Variants in SDHAF3 observed in about 807,000 individuals in gnomAD.
The protein encoded by SDHAF3 is succinate dehydrogenase complex assembly factor 3, also known as succinate dehydrogenase assembly factor 3, mitochondrial.
A neutral mutation model predicts 11.5 loss-of-function variants in SDHAF3; 18 were observed. That is an observed-to-expected ratio of 1.56 (90% CI 1.08 to 2.32). SDHAF3 has a LOEUF of 2.32. SDHAF3 is among the 30% of genes most tolerant of loss of function. The pLI, the probability that SDHAF3 is intolerant of heterozygous loss-of-function variation, is 0.00. For synonymous variants in SDHAF3, 72 were observed against 59.3 expected (o/e 1.21, Z -0.99); for missense variants, 200 against 154.4 (o/e 1.30, Z -1.57).
At chr7:97,151,745 T>C (rs62499473) in intron 1 of SDHAF3, among the ~76,000 whole-genome samples, 53,680 of 151,884 alleles carry the variant, frequency 0.35, 9,554 homozygotes, top group East Asian at 0.47. Flanking sequence ...GTGATCTGCC[T>C]GCCTCGGCCT....
chr7:97,166,027 C>T (rs1410156851), intron 1 of SDHAF3, among the ~76,000 whole-genome samples: 2 of 152,090 alleles, frequency 1.3e-5, no homozygotes, highest in Non-Finnish European at 2.9e-5. Flanking sequence ...CAGGTGTCCT[C>T]AACAATATGA....
At chr7:97,143,025 G>A (rs780510610) in intron 1 of SDHAF3, among the ~76,000 whole-genome samples, 2 of 149,082 alleles carry the variant, frequency 1.3e-5, no homozygotes, top group African/African-American at 2.5e-5. Context: ...TCAACCTCCC[G>A]AGTAGCTGGG....
At chr7:97,155,446 C>T (rs1789287463) in intron 1 of SDHAF3, among the ~76,000 whole-genome samples, 1 of 152,172 alleles carries the variant, frequency 6.6e-6, no homozygotes, top group Non-Finnish European at 1.5e-5. Flanking sequence ...TCCTTTTAGA[C>T]TTAGCTTAGA....
chr7:97,176,692 C>G (rs1186130468), intron 1 of SDHAF3, among the ~76,000 whole-genome samples: 1 of 152,078 alleles, frequency 6.6e-6, no homozygotes, highest in East Asian at 1.9e-4. Context: ...GTCTTTCTAC[C>G]CAAGATGTTC....
At chr7:97,119,034 A>G (rs539097832) in intron 1 of SDHAF3, among the ~76,000 whole-genome samples, 1 of 152,348 alleles carries the variant, frequency 6.6e-6, no homozygotes, top group African/African-American at 2.4e-5. Context: ...AACTGGATTC[A>G]GATTCAGTCT....
intron 1 of SDHAF3, among the ~76,000 whole-genome samples, chr7:97,134,842 C>G (rs918699969): frequency 2.6e-5 from 4 of 152,168 alleles, no homozygotes; most frequent in African/African-American, 9.7e-5. Flanking sequence ...AATGCACATA[C>G]TTAAGATTTT....
chr7:97,120,171 C>T lies in SDHAF3; in HGVS notation c.174+2274C>T, dbSNP rs575451933. 2.5e-4 allele frequency among the ~76,000 whole-genome samples: 38 copies of T among 152,214 alleles called. 2 individuals carry two copies. The South Asian group carries it at 5.2e-3, about 21-fold the overall frequency. On this transcript the variant is annotated intron_variant, in intron 1 of 1. Coordinates refer to ENST00000432641, the MANE Select transcript of SDHAF3 (RefSeq NM_020186.3). Reference sequence around the variant, plus strand: ...CATTCCTTCTGAATTTATTAGTTGACACGCGTCTGTAGAGAACAGTTTTCC... The same window carrying T: ...CATTCCTTCTGAATTTATTAGTTGATACGCGTCTGTAGAGAACAGTTTTCC...
chr7:97,170,627 A>G (rs933500293), intron 1 of SDHAF3, among the ~76,000 whole-genome samples: 1 of 152,092 alleles, frequency 6.6e-6, no homozygotes, highest in South Asian at 2.1e-4. Flanking sequence ...TTTCCTTACT[A>G]CTTCCTTAGC....
intron 1 of SDHAF3, among the ~76,000 whole-genome samples, chr7:97,125,559 CT>C (rs1464290644): frequency 1.3e-5 from 2 of 152,136 alleles, no homozygotes; most frequent in African/African-American, 4.8e-5. Flanking sequence ...CTAATATTGT[CT>C]CCATGCCTTA....
chr7:97,129,965 G>T (rs946894317), intron 1 of SDHAF3, among the ~76,000 whole-genome samples: 1 of 152,194 alleles, frequency 6.6e-6, no homozygotes, highest in Non-Finnish European at 1.5e-5. Flanking sequence ...CGAGGCTGTG[G>T]CTGGACCAGG....
rs184974390 is a variant in SDHAF3, at chr7:97,144,007, T to A, written c.174+26110T>A. On this transcript the variant is annotated intron_variant, in intron 1 of 1. Coordinates refer to ENST00000432641, the MANE Select transcript of SDHAF3 (RefSeq NM_020186.3). ...TCCACGCCAACATCTATTATTTTTT[T>A]ATTTTTTTTATTATGGCCATTCCTG... Among the ~76,000 whole-genome samples, 213 of 152,296 alleles carry A rather than the reference T, an allele frequency of 1.4e-3. 1 individual carries two copies. The highest frequency in any genetic ancestry group is 4.1e-3 in the South Asian group (20 of 4,822).
At chr7:97,174,679 A>T (rs1463415105) in intron 1 of SDHAF3, among the ~76,000 whole-genome samples, 1 of 152,070 alleles carries the variant, frequency 6.6e-6, no homozygotes, top group African/African-American at 2.4e-5. Context: ...ATGTTTTCTT[A>T]TGATTAGATT....
intron 1 of SDHAF3, among the ~76,000 whole-genome samples, chr7:97,145,940 T>C (rs2115679489): frequency 6.6e-6 from 1 of 152,280 alleles, no homozygotes; most frequent in East Asian, 1.9e-4. Flanking sequence ...TGATTGTTTT[T>C]GAGTAAATTT....
chr7:97,147,964 C>T (rs2115684447), intron 1 of SDHAF3, among the ~76,000 whole-genome samples: 1 of 152,002 alleles, frequency 6.6e-6, no homozygotes, highest in South Asian at 2.1e-4. Flanking sequence ...TCCCAGGCTG[C>T]AGTGCAGGCT....
At chr7:97,153,933 G>A (rs1789264675) in intron 1 of SDHAF3, among the ~76,000 whole-genome samples, 1 of 152,184 alleles carries the variant, frequency 6.6e-6, no homozygotes, top group Non-Finnish European at 1.5e-5. Context: ...ATTGTCACAT[G>A]CATCCGTGTG....
At chr7:97,136,470 A>C in intron 1 of SDHAF3, 1 of 640,618 alleles carries the variant, frequency 1.6e-6, no homozygotes, top group East Asian at 2.7e-5. Flanking sequence ...TACTTTCAGT[A>C]AGTAAGACCT....
chr7:97,128,642 A>G (rs1791615758), intron 1 of SDHAF3, among the ~76,000 whole-genome samples: 1 of 152,226 alleles, frequency 6.6e-6, no homozygotes, highest in African/African-American at 2.4e-5. Context: ...TTAAGGTGAT[A>G]AAAATTATAT....
chr7:97,142,890 C>CTTTTTTTT (rs35198717), intron 1 of SDHAF3: 4 of 87,086 alleles, frequency 4.6e-5, no homozygotes, highest in Non-Finnish European at 9.1e-5. Context: ...TTCTTAAATT[C>CTTTTTTTT]TTTTTTTTTT....
intron 1 of SDHAF3, among the ~76,000 whole-genome samples, chr7:97,154,228 ATGAGT>A (rs1330784617): frequency 6.6e-6 from 1 of 152,216 alleles, no homozygotes; most frequent in East Asian, 1.9e-4. Context: ...AAGTACATTG[ATGAGT>A]TAGAGTGGGG....
Sources: gnomAD v4.1 joint callset for allele counts (sites outside exome capture counted in the v4.1 genomes callset) on GRCh38, gnomAD v4.1.1 for gene constraint, MANE v1.5 for transcripts, NCBI Gene and HGNC (gene_info 2026-07-23, HGNC 2026-07-21) for gene names.